The following CELA1 variants were observed in gnomAD, a reference collection of about 807,000 sequenced individuals.
CELA1 encodes the protein chymotrypsin-like elastase family member 1.
A neutral mutation model predicts 34.8 loss-of-function variants in CELA1; 28 were observed. The ratio of observed to expected loss-of-function variants is 0.80; its 90% CI spans 0.60 to 1.10. The LOEUF (loss-of-function observed/expected upper bound fraction) is 1.10, where lower values mean the gene tolerates loss of function less well. Ranked by LOEUF, CELA1 falls within the 50% of genes least tolerant of loss-of-function variation. The pLI is 0.00. For synonymous variants in CELA1, 140 were observed against 129.8 expected (o/e 1.08, Z -0.53); for missense variants, 288 against 327.5 (o/e 0.88, Z 0.93).
intron 2 of CELA1, among the ~76,000 whole-genome samples, chr12:51,345,445 C>G (rs1193600144): frequency 6.6e-6 from 1 of 152,228 alleles, no homozygotes. Flanking sequence ...GTGACACACA[C>G]AGTGTGGAGT....
In CELA1 at chr12:51,328,605, GAC is replaced by G. The variant is rs1238880273; in HGVS notation, c.760-13_760-12del. On this transcript the variant is annotated splice_polypyrimidine_tract_variant and intron_variant, in intron 7 of 7. Transcript: ENST00000293636. ...GTTGGAGGCGATGACCTGAAGGAAA[GAC>G]AGTTATGTCCACAGTCAGTAACTCC... is the stretch of plus-strand genomic sequence containing the variant. 2 of 1,613,704 alleles carry G rather than the reference GAC, an allele frequency of 1.2e-6. No individual in the cohort carries two copies. Among genetic ancestry groups the G allele is most frequent in the South Asian group, 2.2e-5 (2 of 91,066 alleles).
intron 6 of CELA1, 103 bp downstream of exon 6, chr12:51,339,757 T>G (rs1409322941): frequency 8.4e-7 from 1 of 1,188,898 alleles, no homozygotes; most frequent in Admixed American, 1.9e-5. Flanking sequence ...ATTGAGTCTG[T>G]GTAGGACTAA....
intron 3 of CELA1, 123 bp downstream of exon 3, chr12:51,343,630 G>A: frequency 1.6e-6 from 1 of 641,508 alleles, no homozygotes. Flanking sequence ...GCCCTGAACA[G>A]GAAAGGAGCC....
chr12:51,337,685 C>T (rs1384839761), intron 6 of CELA1, among the ~76,000 whole-genome samples: 6 of 143,600 alleles, frequency 4.2e-5, no homozygotes, highest in African/African-American at 1.3e-4. Flanking sequence ...GATTTTTTTT[C>T]CTTACCATTA....
chr12:51,339,105 A>C (rs2137480345), intron 6 of CELA1, among the ~76,000 whole-genome samples: 1 of 152,254 alleles, frequency 6.6e-6, no homozygotes, highest in East Asian at 1.9e-4. Flanking sequence ...TCACCTGTAC[A>C]TACTGCCAGA....
intron 6 of CELA1, among the ~76,000 whole-genome samples, chr12:51,332,258 A>C (rs1946474523): frequency 6.6e-6 from 1 of 152,146 alleles, no homozygotes. Context: ...TTTTGTTGTA[A>C]ATAGCATTTT....
rs528100483 is a variant in CELA1, at chr12:51,329,927, C to T, written c.610-94G>A. On this transcript the variant is annotated intron_variant, in intron 6 of 7. Transcript: ENST00000293636. The stretch of plus-strand genomic sequence containing the variant: ...CCGTCTCTGGTTGTGAAATTCTGTA[C>T]GGTTTTAAAGCTCCAATGCAAATCT... The T allele has an allele frequency of 9.4e-4, 1,164 of 1,242,992 alleles. 12 individuals are homozygous for T. Among genetic ancestry groups the T allele is most frequent in the South Asian group, 5.1e-3 (339 of 66,654 alleles). The allele number at this position is 1,242,992 out of a possible 1,614,324, so 77.0% of individuals were successfully genotyped here.
Position 51,337,399 on chromosome 12 carries a change from T to A in CELA1, c.609+2461A>T, listed in dbSNP as rs376783343. 2.4e-3 allele frequency among the ~76,000 whole-genome samples: 369 copies of A among 152,010 alleles called. 2 individuals are homozygous for A. Among genetic ancestry groups the A allele is most frequent in the African/African-American group, 8.3e-3 (345 of 41,466 alleles). On this transcript the variant is annotated intron_variant, in intron 6 of 7. Coordinates refer to ENST00000293636, the MANE Select transcript of CELA1 (RefSeq NM_001971.6). Reference sequence around the variant, plus strand: ...AAAACAAAACAAAATTAGCTGGGTGTGATGGCATGTGCCTGTGATCCTAGC... The same window carrying A: ...AAAACAAAACAAAATTAGCTGGGTGAGATGGCATGTGCCTGTGATCCTAGC...
At chr12:51,346,214 C>T (rs1346279628) in intron 1 of CELA1, among the ~76,000 whole-genome samples, 1 of 143,264 alleles carries the variant, frequency 7.0e-6, no homozygotes, top group Non-Finnish European at 1.5e-5. Context: ...ACTCTTTGAC[C>T]CCCACCAGCC....
intron 6 of CELA1, among the ~76,000 whole-genome samples, chr12:51,337,571 A>C (rs1203214210): frequency 6.6e-6 from 1 of 150,608 alleles, no homozygotes; most frequent in Non-Finnish European, 1.5e-5. Context: ...AAGCAGCCAT[A>C]AACAGTTTGT....
At chr12:51,343,097 C>T (rs954382791) in intron 3 of CELA1, among the ~76,000 whole-genome samples, 1 of 152,122 alleles carries the variant, frequency 6.6e-6, no homozygotes, top group Non-Finnish European at 1.5e-5. Flanking sequence ...TTGATTTTCT[C>T]GGTTTAACAT....
At chr12:51,328,912 GC>G (rs1946451849) in intron 7 of CELA1, among the ~76,000 whole-genome samples, 1 of 152,134 alleles carries the variant, frequency 6.6e-6, no homozygotes, top group Non-Finnish European at 1.5e-5. Flanking sequence ...GTCAGTGTAG[GC>G]AGAGCCTCAC....
In CELA1 at chr12:51,335,012, C is replaced by A. The variant is rs1327585410; in HGVS notation, c.609+4848G>T. Among the ~76,000 whole-genome samples the A allele has an allele frequency of 2.6e-5, 4 of 152,168 alleles. No individual in the cohort carries two copies. In the East Asian group the frequency reaches 7.7e-4, roughly 29 times the overall value. On this transcript the variant is annotated intron_variant, in intron 6 of 7. Coordinates refer to ENST00000293636, the MANE Select transcript of CELA1 (RefSeq NM_001971.6). The stretch of plus-strand genomic sequence containing the variant: ...TTCATTTTCAGCAGTCAAGTTGACT[C>A]CTCCTAGTTCATGAGTAACTAGAAG...
chr12:51,342,529 T>G, intron 4 of CELA1, 46 bp downstream of exon 4: 1 of 1,613,258 alleles, frequency 6.2e-7, no homozygotes, highest in East Asian at 2.2e-5. Context: ...TGTTGGCTAG[T>G]CAGGCCTCAC....
At chr12:51,331,663 C>G (rs1946470479) in intron 6 of CELA1, among the ~76,000 whole-genome samples, 1 of 152,162 alleles carries the variant, frequency 6.6e-6, no homozygotes, top group East Asian at 1.9e-4. Context: ...AAATAAACAA[C>G]ATTTTCTGGA....
intron 3 of CELA1, 112 bp from the exon 4 acceptor site, chr12:51,342,812 A>AT (rs5798169): frequency 0.086 from 83,883 of 974,988 alleles, no homozygotes; most frequent in Middle Eastern, 0.1. Flanking sequence ...TATTTAGGAA[A>AT]TTTTTTTTTT....
rs139211123 is a variant in CELA1, at chr12:51,341,305, C to T, written c.402G>A (p.Gln134=). 6.2e-7 allele frequency: 1 copy of T among 1,614,074 alleles called. No individual in the cohort carries two copies. The highest frequency in any genetic ancestry group is 8.5e-7 in the Non-Finnish European group (1 of 1,180,032). Residue 134 remains glutamine (Q), a synonymous_variant, in exon 5 of 8, where the codon CAG becomes CAA. Coordinates refer to ENST00000293636, the MANE Select transcript of CELA1 (RefSeq NM_001971.6). The part of the protein sequence containing the change: ...NSYVQLGVLP[Q]EGAILANNSP... ...TGTTGTTAGCCAGGATGGCTCCCTC[C>T]TGGGGCAGAACACCCAGCTGGACAT...
intron 6 of CELA1, among the ~76,000 whole-genome samples, chr12:51,338,267 CACACACACACACACACACACAT>C (rs1483436479): frequency 6.5e-5 from 3 of 45,908 alleles, no homozygotes; most frequent in African/African-American, 1.2e-4. Context: ...CACACACACA[CACACACACACACACACACACAT>C]ACACATACGC....
At chr12:51,340,261 G>A (rs558373200) in intron 5 of CELA1, among the ~76,000 whole-genome samples, 9 of 152,092 alleles carry the variant, frequency 5.9e-5, no homozygotes, top group South Asian at 2.1e-4. Context: ...CTTTTCACTC[G>A]TGGATAACTT....
Sources: allele counts gnomAD v4.1 joint callset (sites outside exome capture counted in the v4.1 genomes callset), GRCh38; gene constraint gnomAD v4.1.1; transcripts MANE v1.5; gene names NCBI Gene and HGNC (gene_info 2026-07-23, HGNC 2026-07-21).